AGBL2: variants seen among roughly 807,000 people sequenced by gnomAD.
AGBL2 encodes the protein AGBL carboxypeptidase 2.
Under a neutral mutation model 103.0 loss-of-function variants are expected in AGBL2, and 87 were observed. That is an observed-to-expected ratio of 0.84 (90% CI 0.71 to 1.01). AGBL2 has a LOEUF of 1.01. Ranked by LOEUF, AGBL2 falls within the 50% of genes least tolerant of loss-of-function variation. AGBL2 has a pLI of 0.00. For missense variants in AGBL2, 904 were observed against 1,023.5 expected, an observed-to-expected ratio of 0.88 and a Z score of 1.59; for synonymous variants, 335 against 356.7, an observed-to-expected ratio of 0.94 and a Z score of 0.69.
intron 4 of AGBL2, among the ~76,000 whole-genome samples, chr11:47,709,381 A>AG (rs1036482006): frequency 3.3e-5 from 2 of 60,466 alleles, no homozygotes; most frequent in Non-Finnish European, 6.7e-5. Flanking sequence ...GGGGATAAGC[A>AG]GGGGGGGTTG....
At chr11:47,664,356 C>G (rs937639823) in intron 17 of AGBL2, among the ~76,000 whole-genome samples, 1 of 151,916 alleles carries the variant, frequency 6.6e-6, no homozygotes, top group Non-Finnish European at 1.5e-5. Context: ...AAGTGATTCT[C>G]CCACCTCAGC....
chr11:47,668,969 C>T (rs1598904494), intron 14 of AGBL2, 62 bp from the exon 15 acceptor site: 1 of 1,164,130 alleles, frequency 8.6e-7, no homozygotes, highest in East Asian at 2.3e-5. Flanking sequence ...GGAAGCATAA[C>T]ATTTACCAGA....
intron 18 of AGBL2, among the ~76,000 whole-genome samples, chr11:47,661,863 C>G (rs1044387884): frequency 2.6e-5 from 4 of 152,014 alleles, no homozygotes; most frequent in African/African-American, 9.7e-5. Flanking sequence ...ATCCTCCTGC[C>G]TCAGCCTTCC....
At chr11:47,660,481 G>T in intron 18 of AGBL2, 135 bp from the exon 19 acceptor site, 1 of 789,272 alleles carries the variant, frequency 1.3e-6, no homozygotes, top group Non-Finnish European at 2.0e-6. Flanking sequence ...AAAAGTAGTT[G>T]ACAATGTTAC....
chr11:47,694,357 A>G (rs1302781828), intron 8 of AGBL2, among the ~76,000 whole-genome samples: 1 of 152,114 alleles, frequency 6.6e-6, no homozygotes, highest in Non-Finnish European at 1.5e-5. Context: ...ACAGAGCCCA[A>G]CCACCAACCA....
At chr11:47,714,787 A>G (rs934476720) in intron 1 of AGBL2, 37 bp from the exon 2 acceptor site, 31 of 883,002 alleles carry the variant, frequency 3.5e-5, no homozygotes, top group Non-Finnish European at 4.3e-5. Context: ...AAAAACTGCC[A>G]ATACCTCCCC....
chr11:47,686,305 G>C (rs2097423355), intron 10 of AGBL2, among the ~76,000 whole-genome samples: 1 of 152,080 alleles, frequency 6.6e-6, no homozygotes, highest in African/African-American at 2.4e-5. Context: ...GTCTTGCCCT[G>C]TTGCTCAGGC....
At position 47,690,197 on chromosome 11, in the gene AGBL2, C is replaced by T; in HGVS notation, c.1510G>A (p.Asp504Asn). The T allele has an allele frequency of 6.2e-7, 1 of 1,614,196 alleles. No homozygotes were observed. Among genetic ancestry groups the T allele is most frequent in the South Asian group, 1.1e-5 (1 of 91,082 alleles). ...CGATAATTCCCCACAATCACACCAT[C>T]TGGATTTAACATGGGAAGCACCTTG... ...VFKVLPMLNP[D>N]GVIVGNYRCS... Residue 504 changes from aspartate (D) to asparagine (N), a missense_variant, in exon 10 of 19, where the codon GAT (aspartate) becomes AAT (asparagine). Physicochemically the swap from Asp to Asn is conservative, Grantham distance 23. Transcript: ENST00000525123.
At chr11:47,709,695 C>T (rs371215137) in intron 4 of AGBL2, among the ~76,000 whole-genome samples, 31 of 151,996 alleles carry the variant, frequency 2.0e-4, no homozygotes, top group African/African-American at 7.2e-4. Flanking sequence ...TCACACAATC[C>T]TCCTGCCTCA....
intron 14 of AGBL2, among the ~76,000 whole-genome samples, chr11:47,674,498 C>T (rs2097367818): frequency 7.0e-6 from 1 of 143,792 alleles, no homozygotes; most frequent in Non-Finnish European, 1.5e-5. Context: ...ACCTGGGAAG[C>T]GGAGGTTGCA....
At chr11:47,689,988 A>C in intron 10 of AGBL2, 88 bp downstream of exon 10, 2 of 1,189,468 alleles carry the variant, frequency 1.7e-6, no homozygotes, top group Non-Finnish European at 1.2e-6. Flanking sequence ...CTTTAACAAC[A>C]GAAGAGACCT....
chr11:47,674,587 G>C (rs1181292595), intron 14 of AGBL2, among the ~76,000 whole-genome samples: 4 of 144,650 alleles, frequency 2.8e-5, no homozygotes, highest in Non-Finnish European at 6.1e-5. Flanking sequence ...AAAAAAAAAG[G>C]GTTAGGGTGG....
chr11:47,660,419 G>A (rs1312058627), intron 18 of AGBL2, 73 bp from the exon 19 acceptor site: 1 of 1,453,258 alleles, frequency 6.9e-7, no homozygotes, highest in Non-Finnish European at 9.3e-7. Context: ...TAGGGTTGGG[G>A]TTGGCTTTAC....
intron 4 of AGBL2, among the ~76,000 whole-genome samples, chr11:47,707,795 T>C (rs919692428): frequency 2.0e-5 from 3 of 152,238 alleles, no homozygotes; most frequent in African/African-American, 4.8e-5. Context: ...AAAAAAATGG[T>C]AACTTGCTAT....
Position 47,660,260 on chromosome 11 carries a change from G to C in AGBL2, c.2622C>G (p.Asn874Lys), listed in dbSNP as rs754635374. The C allele has an allele frequency of 1.9e-6, 3 of 1,614,238 alleles. No individual in the cohort carries two copies. The Admixed American group carries it at 5.0e-5, about 27-fold the overall frequency. ...TGGCAGGATATCTGCTCCTAGGCCA[G>C]TTTGGCTTCATACCTGGAGCTGGCT... ...SQEPAPGMKP[N>K]WPRSRYPATK... The change falls in exon 19 of 19, where the codon AAC becomes AAG. Residue 874 changes from asparagine to lysine, a missense_variant. Transcript: ENST00000525123.
intron 5 of AGBL2, 33 bp from the exon 6 acceptor site, chr11:47,705,667 A>G: frequency 1.7e-6 from 1 of 604,202 alleles, no homozygotes; most frequent in South Asian, 2.1e-5. Flanking sequence ...AGAAAAAGAA[A>G]AAGAAGAAAG....
rs192359314 is a variant in AGBL2, at chr11:47,703,617, G to A, written c.586+926C>T. On this transcript the variant is annotated intron_variant, in intron 7 of 18. Transcript: ENST00000525123. ...ACCAGCCTGGCCAACATGGAGGAAC[G>A]CTGACTCTAATAAAAATAAAAAACT... Among the ~76,000 whole-genome samples the A allele has an allele frequency of 6.1e-3, 927 of 152,010 alleles. 9 individuals carry two copies. Among genetic ancestry groups the A allele is most frequent in the Middle Eastern group, 0.01 (3 of 294 alleles).
chr11:47,710,225 A>C, intron 4 of AGBL2, 152 bp downstream of exon 4: 1 of 902,388 alleles, frequency 1.1e-6, no homozygotes, highest in African/African-American at 1.7e-5. Context: ...TGTAATCCAA[A>C]GTAGATTTAG....
intron 14 of AGBL2, 98 bp downstream of exon 14, chr11:47,677,172 TA>T: frequency 9.5e-7 from 1 of 1,049,202 alleles, no homozygotes; most frequent in Non-Finnish European, 1.3e-6. Context: ...CAAGCCCAGC[TA>T]ATTTTTGTAT....
Sources: allele counts gnomAD v4.1 joint callset (sites outside exome capture counted in the v4.1 genomes callset), GRCh38; gene constraint gnomAD v4.1.1; transcripts MANE v1.5; gene names NCBI Gene and HGNC (gene_info 2026-07-23, HGNC 2026-07-21).